The following FRMPD4 variants were observed in gnomAD, a reference collection of about 807,000 sequenced individuals.
FRMPD4 encodes the protein FERM and PDZ domain containing 4, also known as FERM and PDZ domain-containing protein 4.
Under a neutral mutation model 94.1 loss-of-function variants are expected in FRMPD4, and 22 were observed. The ratio of observed to expected loss-of-function variants is 0.23; its 90% CI spans 0.17 to 0.33. The LOEUF is 0.33. FRMPD4 is among the 10% of genes least tolerant of loss of function. The pLI is 1.00. For synonymous variants in FRMPD4, 631 were observed against 548.6 expected (o/e 1.15, Z -2.10); for missense variants, 1,111 against 1,339.9 (o/e 0.83, Z 2.67).
chrX:12,313,269 CA>C (rs1357935171), intron 1 of FRMPD4, among the ~76,000 whole-genome samples: 1 of 111,950 alleles, frequency 8.9e-6, no homozygotes, highest in Admixed American at 9.4e-5. Flanking sequence ...ACTCTGGAGT[CA>C]GGGGTAGTGA....
At chrX:12,029,323 T>A (rs2054678681) in intron 3 of FRMPD4, among the ~76,000 whole-genome samples, 1 of 112,466 alleles carries the variant, frequency 8.9e-6, no homozygotes, top group Non-Finnish European at 1.9e-5. Flanking sequence ...AAAAATTGGG[T>A]TACTTATTTA....
intron 1 of FRMPD4, among the ~76,000 whole-genome samples, chrX:11,855,307 C>G (rs2053647994): frequency 9.0e-6 from 1 of 111,595 alleles, no homozygotes; most frequent in Non-Finnish European, 1.9e-5. Context: ...GGAGGGGCTG[C>G]CACAAAGGTC....
At chrX:12,407,374 G>A (rs140846151) in intron 1 of FRMPD4, among the ~76,000 whole-genome samples, 3 of 111,541 alleles carry the variant, frequency 2.7e-5, no homozygotes, top group Non-Finnish European at 5.7e-5. Context: ...CAGAGCTTGC[G>A]CACCAGAGTC....
intron 1 of FRMPD4, among the ~76,000 whole-genome samples, chrX:12,145,116 AT>A (rs2055745392): frequency 8.9e-6 from 1 of 111,839 alleles, no homozygotes; most frequent in African/African-American, 3.3e-5. Flanking sequence ...TAAGAACATG[AT>A]TACCTGACAA....
intron 2 of FRMPD4, among the ~76,000 whole-genome samples, chrX:11,865,476 A>G (rs1181801991): frequency 3.6e-5 from 4 of 112,271 alleles, no homozygotes; most frequent in African/African-American, 9.7e-5. Flanking sequence ...AACAATAGCA[A>G]TAGTGGTAGC....
At chrX:12,274,210 T>C (rs2054397705) in intron 1 of FRMPD4, among the ~76,000 whole-genome samples, 1 of 110,536 alleles carries the variant, frequency 9.0e-6, no homozygotes, top group African/African-American at 3.3e-5. Context: ...AGAAATAAAA[T>C]CAGGCACAAA....
chrX:12,625,340 G>A (rs7063176), intron 4 of FRMPD4, among the ~76,000 whole-genome samples: 2,583 of 111,313 alleles, frequency 0.023, 73 homozygotes, highest in African/African-American at 0.078. Flanking sequence ...CTGCACTCTC[G>A]TGTTTATTGC....
intron 1 of FRMPD4, among the ~76,000 whole-genome samples, chrX:12,481,072 C>T (rs972730689): frequency 6.3e-5 from 7 of 111,422 alleles, no homozygotes; most frequent in African/African-American, 1.6e-4. Context: ...TTCTTGCTTC[C>T]TCCTTGTTGC....
upstream of FRMPD4, among the ~76,000 whole-genome samples, chrX:12,134,679 T>C (rs1188552763): frequency 8.9e-6 from 1 of 112,090 alleles, no homozygotes; most frequent in Non-Finnish European, 1.9e-5. Context: ...GCATAAAAAA[T>C]GCTACAGCCT....
intron 3 of FRMPD4, among the ~76,000 whole-genome samples, chrX:11,984,225 T>A (rs189968874): frequency 8.9e-6 from 1 of 112,082 alleles, no homozygotes; most frequent in African/African-American, 3.2e-5. Flanking sequence ...AAAACACTCT[T>A]ATAGTAAGCA....
Position 12,258,673 on chromosome X carries a change from T to C in FRMPD4, c.41+119661T>C, listed in dbSNP as rs148822273. On this transcript the variant is annotated intron_variant, in intron 1 of 16. Transcript: ENST00000675598. ...ATTTTTTTCTAATTTATTTTATTAT[T>C]ATTACTTTTTATCGATATGTAATAG... Among the ~76,000 whole-genome samples, 720 of 111,646 alleles carry C rather than the reference T, an allele frequency of 6.4e-3. 15 individuals are homozygous for C. Among genetic ancestry groups the C allele is most frequent in the Admixed American group, 0.06 (632 of 10,494 alleles).
intron 3 of FRMPD4, among the ~76,000 whole-genome samples, chrX:12,029,712 C>T (rs1021652364): frequency 9.0e-6 from 1 of 111,574 alleles, no homozygotes; most frequent in African/African-American, 3.3e-5. Context: ...AAGGGATCAC[C>T]TCTTTAGGTC....
chrX:12,571,111 C>A (rs974991036), intron 2 of FRMPD4, among the ~76,000 whole-genome samples: 2 of 112,148 alleles, frequency 1.8e-5, no homozygotes, highest in Non-Finnish European at 3.8e-5. Flanking sequence ...TCTACCCAAT[C>A]TTTAAGCCTG....
chrX:11,878,009 A>G (rs1042537326), exon 3 of FRMPD4, among the ~76,000 whole-genome samples: 5 of 112,181 alleles, frequency 4.5e-5, no homozygotes, highest in Non-Finnish European at 9.4e-5. Context: ...GAAGGAGAAC[A>G]TATTTGCCAG....
intron 2 of FRMPD4, among the ~76,000 whole-genome samples, chrX:12,500,892 A>G (rs997762728): frequency 2.1e-4 from 24 of 112,501 alleles, no homozygotes; most frequent in African/African-American, 7.4e-4. Context: ...GACTCAAAAC[A>G]ATAAAAATTT....
chrX:12,445,531 C>CCTTTTG (rs1477917784), intron 1 of FRMPD4, among the ~76,000 whole-genome samples: 2 of 112,520 alleles, frequency 1.8e-5, no homozygotes, highest in Non-Finnish European at 3.8e-5. Flanking sequence ...TCTTCTAGCA[C>CCTTTTG]CTTTTGCTTA....
intron 2 of FRMPD4, among the ~76,000 whole-genome samples, chrX:12,572,804 A>G (rs1260880084): frequency 8.9e-6 from 1 of 112,432 alleles, no homozygotes; most frequent in Non-Finnish European, 1.9e-5. Context: ...TGAAGCTTAT[A>G]TAGCATCCTG....
intron 1 of FRMPD4, among the ~76,000 whole-genome samples, chrX:12,379,084 T>C (rs1458427310): frequency 1.8e-5 from 2 of 112,214 alleles, no homozygotes; most frequent in Non-Finnish European, 3.8e-5. Context: ...TAAAGATATA[T>C]AGTTTACCAC....
At chrX:11,984,234 C>T (rs973816942) in intron 3 of FRMPD4, among the ~76,000 whole-genome samples, 11 of 112,092 alleles carry the variant, frequency 9.8e-5, no homozygotes, top group African/African-American at 3.6e-4. Flanking sequence ...TTATAGTAAG[C>T]AGATGTTATT....
Sources: allele counts gnomAD v4.1 joint callset (sites outside exome capture counted in the v4.1 genomes callset), GRCh38; gene constraint gnomAD v4.1.1; transcripts MANE v1.5; gene names NCBI Gene and HGNC (gene_info 2026-07-23, HGNC 2026-07-21).